The following RBFOX1 variants were observed in gnomAD, a reference collection of about 807,000 sequenced individuals.
RBFOX1 encodes RNA binding fox-1 homolog 1, also known as RNA binding protein fox-1 homolog 1.
A neutral mutation model predicts 57.7 loss-of-function variants in RBFOX1; 8 were observed. The ratio of observed to expected loss-of-function variants is 0.14; its 90% CI spans 0.08 to 0.25. The LOEUF is 0.25. Ranked by LOEUF, RBFOX1 falls within the 10% of genes least tolerant of loss-of-function variation. The pLI is 1.00. For missense variants in RBFOX1, 611 were observed against 548.5 expected, an observed-to-expected ratio of 1.11 and a Z score of -1.14; for synonymous variants, 326 against 222.4, an observed-to-expected ratio of 1.47 and a Z score of -4.15.
chr16:7,702,607 C>A (rs1463284095), intron 14 of RBFOX1, among the ~76,000 whole-genome samples: 1 of 152,178 alleles, frequency 6.6e-6, no homozygotes, highest in East Asian at 1.9e-4. Flanking sequence ...TGCTGCAGAA[C>A]TCAGAAGCCA....
At chr16:6,281,751 G>A (rs373159137) in intron 1 of RBFOX1, among the ~76,000 whole-genome samples, 1 of 152,150 alleles carries the variant, frequency 6.6e-6, no homozygotes, top group African/African-American at 2.4e-5. Flanking sequence ...TGTGGATAAT[G>A]TTGGTGCTTT....
Position 6,506,091 on chromosome 16 carries a change from C to T in RBFOX1, c.-63-148512C>T, listed in dbSNP as rs571693049. 2.0e-5 allele frequency among the ~76,000 whole-genome samples: 3 copies of T among 152,270 alleles called. No individual in the cohort carries two copies. In the East Asian group the frequency reaches 5.8e-4, roughly 29 times the overall value. Reference sequence around the variant, plus strand: ...GCAAAGGTGCACCCTTGCATATATCCAGACATGCCCTACTAAGAAAGTGGC... The same window carrying T: ...GCAAAGGTGCACCCTTGCATATATCTAGACATGCCCTACTAAGAAAGTGGC... On this transcript the variant is annotated intron_variant, in intron 2 of 15. Coordinates refer to ENST00000550418, the MANE Select transcript of RBFOX1 (RefSeq NM_018723.4).
intron 2 of RBFOX1, among the ~76,000 whole-genome samples, chr16:5,561,796 C>T (rs1264563000): frequency 1.3e-5 from 2 of 152,082 alleles, no homozygotes; most frequent in African/African-American, 4.8e-5. Flanking sequence ...TGTATTTTAG[C>T]AGAAGTTACT....
intron 1 of RBFOX1, among the ~76,000 whole-genome samples, chr16:5,445,890 T>C (rs1267822889): frequency 6.6e-6 from 1 of 152,232 alleles, no homozygotes; most frequent in Non-Finnish European, 1.5e-5. Context: ...GTTAGTTCTT[T>C]TTCTTTCTTA....
chr16:7,155,754 C>G (rs1444953640), intron 4 of RBFOX1, among the ~76,000 whole-genome samples: 2 of 138,216 alleles, frequency 1.4e-5, no homozygotes, highest in African/African-American at 5.6e-5. Flanking sequence ...CACACACACA[C>G]ACACACACAC....
intron 1 of RBFOX1, among the ~76,000 whole-genome samples, chr16:6,273,393 G>A (rs1299492275): frequency 1.5e-4 from 20 of 133,276 alleles, no homozygotes; most frequent in African/African-American, 5.3e-4. Context: ...TGCCCAGGCT[G>A]GAGTGCAATG....
At chr16:7,116,566 A>G (rs776377047) in intron 4 of RBFOX1, among the ~76,000 whole-genome samples, 1 of 152,214 alleles carries the variant, frequency 6.6e-6, no homozygotes, top group Non-Finnish European at 1.5e-5. Context: ...AAATGAGTCC[A>G]TTAAAGCTTA....
At chr16:6,867,615 A>G (rs570303096) in intron 3 of RBFOX1, among the ~76,000 whole-genome samples, 2 of 152,140 alleles carry the variant, frequency 1.3e-5, no homozygotes, top group Non-Finnish European at 2.9e-5. Flanking sequence ...GCTACTTGGG[A>G]GGCTCAGGCA....
chr16:7,328,066 G>C (rs2096634984), intron 4 of RBFOX1, among the ~76,000 whole-genome samples: 1 of 152,128 alleles, frequency 6.6e-6, no homozygotes, highest in African/African-American at 2.4e-5. Context: ...CACTTATGTT[G>C]GCTCTCTTTG....
intron 4 of RBFOX1, among the ~76,000 whole-genome samples, chr16:7,059,619 A>C (rs1314919855): frequency 2.6e-5 from 4 of 152,198 alleles, no homozygotes; most frequent in Admixed American, 2.0e-4. Flanking sequence ...TGAATAGAAG[A>C]AGCTTACCTG....
intron 4 of RBFOX1, among the ~76,000 whole-genome samples, chr16:5,901,476 G>A (rs1260241963): frequency 6.6e-6 from 1 of 152,136 alleles, no homozygotes; most frequent in Admixed American, 6.5e-5. Context: ...CCGAAGGTTT[G>A]CCTATAATTT....
chr16:7,087,403 T>C (rs2060155364), intron 4 of RBFOX1, among the ~76,000 whole-genome samples: 1 of 152,170 alleles, frequency 6.6e-6, no homozygotes, highest in Admixed American at 6.5e-5. Flanking sequence ...GTATTATGAA[T>C]ATTGCTAGTA....
At chr16:5,487,284 A>G (rs537075163) in intron 2 of RBFOX1, among the ~76,000 whole-genome samples, 26 of 152,254 alleles carry the variant, frequency 1.7e-4, no homozygotes, top group East Asian at 5.8e-4. Context: ...CTTGTTGTCT[A>G]TTGTTTCTTG....
intron 1 of RBFOX1, among the ~76,000 whole-genome samples, chr16:6,249,772 C>CTTTTTTTTTTTTTTTTTT (rs55802545): frequency 1.4e-5 from 2 of 140,668 alleles, no homozygotes; most frequent in Non-Finnish European, 3.1e-5. Context: ...CATTTTTTTT[C>CTTTTTTTTTTTTTTTTTT]TTTTTTTTTT....
intron 3 of RBFOX1, among the ~76,000 whole-genome samples, chr16:5,834,342 A>G (rs1214758770): frequency 2.0e-5 from 3 of 152,184 alleles, no homozygotes; most frequent in Non-Finnish European, 4.4e-5. Flanking sequence ...TATAAGTGAG[A>G]ACATGAGGTA....
intron 2 of RBFOX1, among the ~76,000 whole-genome samples, chr16:5,538,847 C>T (rs1468687496): frequency 2.6e-5 from 4 of 152,026 alleles, no homozygotes; most frequent in Admixed American, 1.3e-4. Context: ...ATGATGTTCT[C>T]GATCTCCTGA....
chr16:6,703,584 C>T (rs1384933187), intron 3 of RBFOX1, among the ~76,000 whole-genome samples: 2 of 151,816 alleles, frequency 1.3e-5, no homozygotes, highest in East Asian at 1.9e-4. Context: ...GTGTTGCACA[C>T]CTGTAGTTCT....
intron 2 of RBFOX1, among the ~76,000 whole-genome samples, chr16:6,335,674 A>G (rs1385226724): frequency 6.7e-6 from 1 of 150,188 alleles, no homozygotes; most frequent in Non-Finnish European, 1.5e-5. Flanking sequence ...GCTACTTGGG[A>G]GGCTGAAGCA....
chr16:5,267,088 T>A (rs1050135191), intron 1 of RBFOX1, among the ~76,000 whole-genome samples: 1 of 150,816 alleles, frequency 6.6e-6, no homozygotes, highest in African/African-American at 2.4e-5. Flanking sequence ...GTGTGTTGTG[T>A]ACATCTCTGC....
Sources: gnomAD v4.1 joint callset for allele counts (sites outside exome capture counted in the v4.1 genomes callset) on GRCh38, gnomAD v4.1.1 for gene constraint, MANE v1.5 for transcripts, NCBI Gene and HGNC (gene_info 2026-07-23, HGNC 2026-07-21) for gene names.